Variants in CNTN5 observed in about 807,000 individuals in gnomAD.
The protein encoded by CNTN5 is contactin-5.
In CNTN5, 77 loss-of-function variants were observed where a neutral mutation model predicts 129.1. That is an observed-to-expected ratio of 0.60 (90% CI 0.50 to 0.72). The LOEUF (loss-of-function observed/expected upper bound fraction) is 0.72. Among genes scored for constraint, CNTN5 ranks in the 30% least tolerant of loss-of-function variants. CNTN5 has a pLI of 0.00. For missense variants in CNTN5, 1,478 were observed against 1,328.8 expected, an observed-to-expected ratio of 1.11 and a Z score of -1.75; for synonymous variants, 509 against 465.6, an observed-to-expected ratio of 1.09 and a Z score of -1.20.
intron 6 of CNTN5, among the ~76,000 whole-genome samples, chr11:99,881,825 C>T (rs1295130711): frequency 1.3e-5 from 2 of 152,140 alleles, no homozygotes; most frequent in Non-Finnish European, 2.9e-5. Flanking sequence ...TTTATTCAGC[C>T]GACTACTATC....
chr11:99,098,123 A>G (rs180791831), intron 1 of CNTN5, among the ~76,000 whole-genome samples: 5 of 152,212 alleles, frequency 3.3e-5, no homozygotes, highest in Admixed American at 3.3e-4. Flanking sequence ...ATAAATAATT[A>G]AGCAGCATTT....
intron 6 of CNTN5, 79 bp downstream of exon 6, chr11:99,845,341 GAAAGA>G: frequency 4.8e-6 from 2 of 415,220 alleles, no homozygotes; most frequent in East Asian, 9.1e-5. Context: ...TTTAGTTCAG[GAAAGA>G]AAAGCCTAAG....
intron 1 of CNTN5, among the ~76,000 whole-genome samples, chr11:99,179,180 G>T (rs115766109): frequency 1.3e-5 from 2 of 152,094 alleles, no homozygotes; most frequent in Non-Finnish European, 2.9e-5. Context: ...AGTGACTCAC[G>T]CCTGTAATCC....
At chr11:100,356,077 C>A in intron 24 of CNTN5, 40 bp from the exon 25 acceptor site, 1 of 1,408,258 alleles carries the variant, frequency 7.1e-7, no homozygotes, top group Non-Finnish European at 9.9e-7. Flanking sequence ...TCAAGCAAAA[C>A]CAAGATAATT....
chr11:99,998,942 T>A (rs11222279), intron 8 of CNTN5, among the ~76,000 whole-genome samples: 10,435 of 151,492 alleles, frequency 0.069, 662 homozygotes, highest in African/African-American at 0.16. Flanking sequence ...CTGGGAAAAC[T>A]GGCTAGCCAT....
intron 1 of CNTN5, among the ~76,000 whole-genome samples, chr11:99,231,681 T>C (rs1426513434): frequency 1.3e-5 from 2 of 152,226 alleles, no homozygotes; most frequent in Non-Finnish European, 2.9e-5. Flanking sequence ...ACTTTTGTTT[T>C]GTTGCAATTG....
intron 15 of CNTN5, among the ~76,000 whole-genome samples, chr11:100,206,646 G>A (rs931104514): frequency 7.2e-5 from 11 of 152,030 alleles, no homozygotes; most frequent in Admixed American, 7.2e-4. Context: ...ATAATTCCCT[G>A]AGGACTGTAT....
chr11:99,163,380 G>A (rs1472956967), intron 1 of CNTN5, among the ~76,000 whole-genome samples: 1 of 139,426 alleles, frequency 7.2e-6, no homozygotes, highest in Admixed American at 7.6e-5. Context: ...AATAAGATTT[G>A]TTGTTCACTA....
At chr11:100,178,982 G>T (rs1948054353) in intron 13 of CNTN5, among the ~76,000 whole-genome samples, 1 of 152,092 alleles carries the variant, frequency 6.6e-6, no homozygotes, top group South Asian at 2.1e-4. Context: ...GCATATACAA[G>T]TATGGGGCAC....
intron 8 of CNTN5, among the ~76,000 whole-genome samples, chr11:99,989,242 A>G (rs762633211): frequency 1.4e-4 from 22 of 152,118 alleles, no homozygotes; most frequent in Non-Finnish European, 2.6e-4. Flanking sequence ...TAATTGTTGA[A>G]TTGTGTCATT....
chr11:99,178,852 G>A (rs1857908551), intron 1 of CNTN5, among the ~76,000 whole-genome samples: 1 of 151,860 alleles, frequency 6.6e-6, no homozygotes, highest in South Asian at 2.1e-4. Context: ...GTACTTTGGA[G>A]TAGAAAATAA....
intron 6 of CNTN5, among the ~76,000 whole-genome samples, chr11:99,905,408 A>G (rs936887752): frequency 2.0e-5 from 3 of 152,270 alleles, no homozygotes; most frequent in East Asian, 1.9e-4. Flanking sequence ...TTCTTTCCCC[A>G]TGGCTTGTTT....
intron 6 of CNTN5, among the ~76,000 whole-genome samples, chr11:99,891,958 G>T (rs1949071685): frequency 6.6e-6 from 1 of 152,236 alleles, no homozygotes; most frequent in Middle Eastern, 3.4e-3. Flanking sequence ...CAGTGTAAAA[G>T]CATTTCTATC....
intron 4 of CNTN5, among the ~76,000 whole-genome samples, chr11:99,842,805 C>T (rs972699741): frequency 6.6e-6 from 1 of 152,126 alleles, no homozygotes; most frequent in South Asian, 2.1e-4. Flanking sequence ...TGACAATTTT[C>T]TCTAGTTATT....
At chr11:99,851,755 T>C (rs1490173328) in intron 6 of CNTN5, among the ~76,000 whole-genome samples, 1 of 152,230 alleles carries the variant, frequency 6.6e-6, no homozygotes, top group African/African-American at 2.4e-5. Context: ...TTGATTAAAA[T>C]AACCTACTTA....
intron 3 of CNTN5, among the ~76,000 whole-genome samples, chr11:99,672,938 C>G (rs766535573): frequency 1.7e-4 from 26 of 152,058 alleles, no homozygotes; most frequent in Admixed American, 3.9e-4. Flanking sequence ...ATAGGTACCT[C>G]ATAGATGGTA....
intron 2 of CNTN5, among the ~76,000 whole-genome samples, chr11:99,476,709 C>G (rs771204438): frequency 6.6e-6 from 1 of 152,058 alleles, no homozygotes; most frequent in Non-Finnish European, 1.5e-5. Context: ...TGCTATAGCT[C>G]AAATTATTTC....
chr11:99,513,149 A>T (rs556834218), intron 2 of CNTN5, among the ~76,000 whole-genome samples: 1 of 152,302 alleles, frequency 6.6e-6, no homozygotes, highest in African/African-American at 2.4e-5. Flanking sequence ...TGGATAGAGG[A>T]TCAAACCAGC....
At chr11:100,081,039 C>T (rs1175740142) in intron 13 of CNTN5, among the ~76,000 whole-genome samples, 1 of 152,090 alleles carries the variant, frequency 6.6e-6, no homozygotes, top group East Asian at 1.9e-4. Context: ...AATGGCCTTA[C>T]ATTCATTATG....
Sources: gnomAD v4.1 joint callset for allele counts (sites outside exome capture counted in the v4.1 genomes callset) on GRCh38, gnomAD v4.1.1 for gene constraint, MANE v1.5 for transcripts, NCBI Gene and HGNC (gene_info 2026-07-23, HGNC 2026-07-21) for gene names.